Variants in CLEC7A observed in about 807,000 individuals in gnomAD.
The protein encoded by CLEC7A is C-type lectin domain containing 7A, also known as C-type lectin domain family 7 member A.
CLEC7A carries 25 observed loss-of-function variants against 26.9 expected under a neutral mutation model. The ratio of observed to expected loss-of-function variants is 0.93; its 90% CI spans 0.68 to 1.30. CLEC7A has a LOEUF of 1.30. Ranked by LOEUF, CLEC7A falls within the 50% of genes most tolerant of loss-of-function variation. CLEC7A has a pLI of 0.00. For missense variants in CLEC7A, 275 were observed against 286.7 expected (o/e 0.96, Z 0.29); for synonymous variants, 100 against 99.5 (o/e 1.01, Z -0.03).
chr12:10,123,412 G>C, intron 4 of CLEC7A, 49 bp from the exon 5 acceptor site: 63 of 1,019,938 alleles, frequency 6.2e-5, no homozygotes, highest in Non-Finnish European at 8.8e-5. Context: ...GAGAGAGAGA[G>C]AAAGAAACTA....
At chr12:10,123,888 A>T (rs567363007) in intron 4 of CLEC7A, among the ~76,000 whole-genome samples, 3 of 152,242 alleles carry the variant, frequency 2.0e-5, no homozygotes, top group African/African-American at 7.2e-5. Flanking sequence ...TTATCATTTA[A>T]TTTTCCAAAA....
At chr12:10,126,932 A>T in intron 2 of CLEC7A, 3 of 903,016 alleles carry the variant, frequency 3.3e-6, no homozygotes, top group Non-Finnish European at 3.1e-6. Context: ...AAAAAAGAAA[A>T]GAAAAAAGAA....
rs774562788 is a variant in CLEC7A, at chr12:10,125,085, A to G, written c.492+212T>C. On this transcript the variant is annotated intron_variant, in intron 4 of 5. Transcript: ENST00000304084. ...GTGTGGTGGTGCACCCTGTAGTCCT[A>G]CCTACTCAGGAAGCTGAGGTGGGAG... 61 of 628,600 alleles carry G rather than the reference A, an allele frequency of 9.7e-5. No homozygotes were observed. In the Middle Eastern group the frequency reaches 1.2e-3, roughly 13 times the overall value. 38.9% of individuals were successfully genotyped at this position (628,600 alleles called of 1,614,324 possible).
upstream of CLEC7A, chr12:10,130,246 A>G (rs1948446090): frequency 2.1e-6 from 1 of 472,682 alleles, no homozygotes; most frequent in Admixed American, 3.4e-5. Flanking sequence ...CCAGATATTC[A>G]AGAGCAGGAA....
intron 4 of CLEC7A, 96 bp downstream of exon 4, chr12:10,125,201 A>T: frequency 1.9e-6 from 2 of 1,051,316 alleles, no homozygotes; most frequent in South Asian, 1.4e-5. Context: ...AAAAAAAAAG[A>T]CTTCATTTTA....
chr12:10,117,485 G>A lies in CLEC7A; in HGVS notation c.*973C>T, dbSNP rs140187470. The A allele has an allele frequency of 0.042, 6,264 of 147,814 alleles. 386 individuals carry two copies. The highest frequency in any genetic ancestry group is 0.14 in the African/African-American group (5,340 of 39,084). 9.2% of individuals were successfully genotyped at this position (147,814 alleles called of 1,614,324 possible). On this transcript the variant is annotated 3_prime_UTR_variant, in exon 6 of 6. Transcript: ENST00000304084. The stretch of plus-strand genomic sequence containing the variant: ...GCGGAGGTTGCGGTGAGCCGAGATC[G>A]TGCCGTTGCACTCCAGCCTGGGCAA...
At chr12:10,122,683 G>T (rs1948132877) in intron 5 of CLEC7A, among the ~76,000 whole-genome samples, 1 of 151,952 alleles carries the variant, frequency 6.6e-6, no homozygotes, top group South Asian at 2.1e-4. Flanking sequence ...TGGAGGTGGG[G>T]TTTCACCATG....
chr12:10,129,838 G>A (rs1412056099), intron 1 of CLEC7A, 142 bp downstream of exon 1: 23 of 484,542 alleles, frequency 4.7e-5, no homozygotes, highest in East Asian at 1.7e-4. Context: ...AGCTGGCCTC[G>A]AACTCCTGAC....
At chr12:10,126,928 GA>G in intron 2 of CLEC7A, 1 of 549,394 alleles carries the variant, frequency 1.8e-6, no homozygotes, top group Non-Finnish European at 2.7e-6. Flanking sequence ...AAAAAAAAAA[GA>G]AAAGAAAAAA....
chr12:10,124,034 G>A (rs1476387458), intron 4 of CLEC7A, among the ~76,000 whole-genome samples: 3 of 108,196 alleles, frequency 2.8e-5, no homozygotes, highest in Non-Finnish European at 7.7e-5. Flanking sequence ...ATAAATTGAC[G>A]CTACTTTCGT....
At chr12:10,127,699 A>G (rs1275554544) in intron 2 of CLEC7A, 48 bp downstream of exon 2, 14 of 1,278,784 alleles carry the variant, frequency 1.1e-5, no homozygotes, top group Non-Finnish European at 1.6e-5. Context: ...GCACATAATA[A>G]TTGCTTACTA....
chr12:10,124,461 G>A (rs1356549486), intron 4 of CLEC7A, among the ~76,000 whole-genome samples: 1 of 152,042 alleles, frequency 6.6e-6, no homozygotes, highest in African/African-American at 2.4e-5. Flanking sequence ...TAGGAACACG[G>A]GGATCTCTTT....
intron 4 of CLEC7A, among the ~76,000 whole-genome samples, chr12:10,123,767 C>CCAAAAAAAAA (rs1948182059): frequency 8.0e-6 from 1 of 124,712 alleles, no homozygotes; most frequent in Admixed American, 7.3e-5. Context: ...GACTCCGTCT[C>CCAAAAAAAAA]AAAAAAAAAA....
At position 10,118,249 on chromosome 12, in the gene CLEC7A, T is replaced by C; in HGVS notation, c.*209A>G. 1.9e-6 allele frequency: 1 copy of C among 524,660 alleles called. No individual in the cohort carries two copies. Among genetic ancestry groups the C allele is most frequent in the Non-Finnish European group, 3.3e-6 (1 of 302,574 alleles). The allele number at this position is 524,660 out of a possible 1,614,324, so 32.5% of individuals were successfully genotyped here. The stretch of plus-strand genomic sequence containing the variant: ...CCTGATTCCATGTCTAGGGATCTAC[T>C]AACTAGAAAAATAATACTAGCCTAC... On this transcript the variant is annotated 3_prime_UTR_variant, in exon 6 of 6. Transcript: ENST00000304084.
At position 10,116,868 on chromosome 12, in the gene CLEC7A, A is replaced by T. The variant is rs1408981497; in HGVS notation, c.*1590T>A. 2.0e-5 allele frequency: 3 copies of T among 152,206 alleles called. No individual in the cohort carries two copies. Among genetic ancestry groups the T allele is most frequent in the Admixed American group, 2.0e-4 (3 of 15,284 alleles). 9.4% of individuals were successfully genotyped at this position (152,206 alleles called of 1,614,324 possible). On this transcript the variant is annotated 3_prime_UTR_variant, in exon 6 of 6. Transcript: ENST00000304084. ...TGCATAATTTAGTAAAATTGGTACA[A>T]TTTCTTTTCACATATTAATCAACAT... is the stretch of plus-strand genomic sequence containing the variant.
chr12:10,129,961 A>G lies in CLEC7A; in HGVS notation c.103+19T>C. ...AACGGGAGAGCTAAAGGCACACATT[A>G]GAAAAAACATATATATACCTTTCTC... On this transcript the variant is annotated intron_variant, in intron 1 of 5. Transcript: ENST00000304084. 1 of 1,430,990 alleles carries G rather than the reference A, an allele frequency of 7.0e-7. No homozygotes were observed. 88.6% of individuals were successfully genotyped at this position (1,430,990 alleles called of 1,614,324 possible). A position where few individuals can be genotyped will look rare whatever the true frequency, so the allele number is the denominator to read the frequency against.
intron 2 of CLEC7A, 28 bp downstream of exon 2, chr12:10,127,716 CTGT>C: frequency 7.1e-7 from 1 of 1,406,648 alleles, no homozygotes; most frequent in African/African-American, 1.4e-5. Flanking sequence ...ACTAAATTGT[CTGT>C]TGTTAATCTC....
chr12:10,128,236 A>G (rs1948368933), intron 1 of CLEC7A, among the ~76,000 whole-genome samples: 1 of 144,498 alleles, frequency 6.9e-6, no homozygotes, highest in African/African-American at 2.9e-5. Context: ...ACACACACAC[A>G]CACACACACA....
rs1389963734 is a variant in CLEC7A at position 10,127,774 on chromosome 12, C to A, written c.175G>T (p.Val59Leu). 6.3e-7 allele frequency: 1 copy of A among 1,590,564 alleles called. No homozygotes were observed. The highest frequency in any genetic ancestry group is 8.6e-7 in the Non-Finnish European group (1 of 1,167,354). ...ATGGTACCCAGGACCACAGCTATCACCAGTATTACCAAGCATAGGATTCCC... is the reference window on the plus strand; with the variant it reads ...ATGGTACCCAGGACCACAGCTATCAACAGTATTACCAAGCATAGGATTCCC... ...ILGILCLVIL[V>L]IAVVLGTMAI... is the part of the protein sequence containing the mutation. The change falls in exon 2 of 6, where the codon GTG becomes TTG. Residue 59 changes from valine (V) to leucine (L), a missense_variant. Transcript: ENST00000304084.
Sources: allele counts gnomAD v4.1 joint callset (sites outside exome capture counted in the v4.1 genomes callset), GRCh38; gene constraint gnomAD v4.1.1; transcripts MANE v1.5; gene names NCBI Gene and HGNC (gene_info 2026-07-23, HGNC 2026-07-21).